The following PDPN variants were observed in gnomAD, a reference collection of about 807,000 sequenced individuals.
PDPN encodes PA2.26 antigen.
A neutral mutation model predicts 23.2 loss-of-function variants in PDPN; 12 were observed. That is an observed-to-expected ratio of 0.52 (90% CI 0.33 to 0.84). The LOEUF is 0.84. PDPN is among the 40% of genes least tolerant of loss of function. The pLI is 0.02. For synonymous variants in PDPN, 77 were observed against 76.7 expected (o/e 1.00, Z -0.02); for missense variants, 199 against 212.2 (o/e 0.94, Z 0.39).
chr1:13,594,752 C>T (rs567161664), intron 1 of PDPN, among the ~76,000 whole-genome samples: 5 of 151,710 alleles, frequency 3.3e-5, no homozygotes, highest in East Asian at 1.9e-4. Flanking sequence ...TTTGGGAGGC[C>T]GAGGTGGGCG....
intron 1 of PDPN, among the ~76,000 whole-genome samples, chr1:13,584,618 C>G (rs975394498): frequency 2.0e-5 from 3 of 152,238 alleles, no homozygotes; most frequent in Non-Finnish European, 2.9e-5. Flanking sequence ...GTTGGACACA[C>G]TCAGCACCCC....
intron 3 of PDPN, among the ~76,000 whole-genome samples, chr1:13,612,517 C>A (rs538196794): frequency 4.2e-4 from 64 of 152,264 alleles, no homozygotes; most frequent in African/African-American, 1.5e-3. Flanking sequence ...TGACTTCTAT[C>A]AGTGACATTT....
rs1641011797 is a variant in PDPN, at chr1:13,614,324, T to C, written c.395T>C (p.Val132Ala). The C allele has an allele frequency of 6.2e-7, 1 of 1,601,668 alleles. No homozygotes were observed. Among genetic ancestry groups the C allele is most frequent in the African/African-American group, 1.3e-5 (1 of 74,654 alleles). The change falls in exon 5 of 6, where the codon GTT becomes GCT. Residue 132 changes from valine to alanine, a missense_variant. Physicochemically the swap from Val to Ala is moderately conservative, Grantham distance 64. Transcript: ENST00000621990. ...GATGGTTTGTCAACAGTGACCCTGG[T>C]TGGAATCATAGTTGGGGTCTTACTA... Reference protein sequence around the residue: ...EKDGLSTVTLVGIIVGVLLAI... With the variant: ...EKDGLSTVTLAGIIVGVLLAI...
At position 13,603,536 on chromosome 1, in the gene PDPN, G is replaced by C. The variant is rs567382028; in HGVS notation, c.68-3637G>C. Among the ~76,000 whole-genome samples, 7 of 151,494 alleles carry C rather than the reference G, an allele frequency of 4.6e-5. No homozygotes were observed. In the East Asian group the frequency reaches 7.7e-4, roughly 17 times the overall value. On this transcript the variant is annotated intron_variant, in intron 1 of 5. Coordinates refer to ENST00000621990, the MANE Select transcript of PDPN (RefSeq NM_006474.5). ...TGTTCTCAAAAATTAAGAACCCCAA[G>C]TGACAGTTGATTTATCAAATCATCT...
chr1:13,603,257 C>T (rs1309892967), intron 1 of PDPN, among the ~76,000 whole-genome samples: 1 of 152,072 alleles, frequency 6.6e-6, no homozygotes, highest in East Asian at 1.9e-4. Flanking sequence ...GTGGTGCACA[C>T]CTGTAATCCC....
chr1:13,609,956 C>G (rs950439347), intron 2 of PDPN, among the ~76,000 whole-genome samples: 4 of 151,908 alleles, frequency 2.6e-5, no homozygotes, highest in Non-Finnish European at 5.9e-5. Flanking sequence ...CCCAGCTACT[C>G]GGGAGGCTGA....
intron 1 of PDPN, among the ~76,000 whole-genome samples, chr1:13,588,412 A>G (rs985185662): frequency 6.6e-6 from 1 of 151,916 alleles, no homozygotes; most frequent in African/African-American, 2.4e-5. Flanking sequence ...CATCCGGGAG[A>G]ACAGAACACA....
intron 1 of PDPN, chr1:13,595,687 G>A (rs1249702257): frequency 1.4e-5 from 6 of 430,138 alleles, no homozygotes; most frequent in Non-Finnish European, 2.8e-5. Context: ...CTCGTCATTG[G>A]TCTCATCCCA....
At chr1:13,603,976 C>T (rs933024974) in intron 1 of PDPN, among the ~76,000 whole-genome samples, 1 of 152,140 alleles carries the variant, frequency 6.6e-6, no homozygotes, top group African/African-American at 2.4e-5. Context: ...TCCACTGAGC[C>T]GTGTTTGGCT....
intron 5 of PDPN, 123 bp downstream of exon 5, chr1:13,614,534 C>T (rs995538928): frequency 1.1e-5 from 7 of 661,866 alleles, no homozygotes; most frequent in Non-Finnish European, 1.9e-5. Context: ...CCTGTAGTCT[C>T]AGCTGCTGGG....
intron 1 of PDPN, chr1:13,584,344 G>A (rs2100583172): frequency 6.8e-7 from 1 of 1,474,700 alleles, no homozygotes; most frequent in East Asian, 2.5e-5. Context: ...GCTGCGAGGT[G>A]GGCAGCACAG....
chr1:13,590,950 CT>C (rs369914558), intron 1 of PDPN, among the ~76,000 whole-genome samples: 2 of 150,794 alleles, frequency 1.3e-5, no homozygotes, highest in African/African-American at 4.9e-5. Flanking sequence ...AATTTCTTTT[CT>C]TTTTTTTTCA....
At chr1:13,588,120 C>G (rs760372461) in intron 1 of PDPN, among the ~76,000 whole-genome samples, 216 of 136,296 alleles carry the variant, frequency 1.6e-3, no homozygotes, top group Non-Finnish European at 2.5e-3. Context: ...TTCATGAACC[C>G]GCCCCCCCAA....
intron 1 of PDPN, among the ~76,000 whole-genome samples, chr1:13,588,615 TATA>T (rs1640246267): frequency 6.8e-6 from 1 of 147,434 alleles, no homozygotes; most frequent in African/African-American, 2.5e-5. Flanking sequence ...TATTTACATA[TATA>T]ATATATAATA....
At chr1:13,595,958 G>A in intron 1 of PDPN, 1 of 1,021,228 alleles carries the variant, frequency 9.8e-7, no homozygotes, top group Non-Finnish European at 1.3e-6. Flanking sequence ...AGGACTTTGG[G>A]AGGCTGAGGC....
chr1:13,598,834 A>G (rs184051201), intron 1 of PDPN, among the ~76,000 whole-genome samples: 3 of 152,256 alleles, frequency 2.0e-5, no homozygotes, highest in Non-Finnish European at 2.9e-5. Flanking sequence ...GGTATGTGCC[A>G]GGGATTTCAG....
At chr1:13,605,864 G>A (rs578009898) in intron 1 of PDPN, among the ~76,000 whole-genome samples, 5 of 151,876 alleles carry the variant, frequency 3.3e-5, no homozygotes, top group Admixed American at 1.3e-4. Flanking sequence ...CTTCTGATCC[G>A]CCCGCCTTGG....
At chr1:13,615,386 A>T (rs941414918) in intron 5 of PDPN, among the ~76,000 whole-genome samples, 1 of 151,736 alleles carries the variant, frequency 6.6e-6, no homozygotes, top group African/African-American at 2.4e-5. Flanking sequence ...CCCAGGTTCA[A>T]GCGATTCCCC....
rs34384359 is a variant in PDPN at position 13,610,479 on chromosome 1, C to A, written c.294C>A (p.Ser98Arg). The change falls in exon 3 of 6, where the codon AGC becomes AGA. Residue 98 changes from serine (S) to arginine (R), a missense_variant. Ser to Arg is a moderately radical substitution (Grantham distance 110). Transcript: ENST00000621990. ...TCCACGCGCAAGAACAAAGTCCAAG[C>A]GCCACAGCCTCAAACGTGGCCACCA... The part of the protein sequence containing the change: ...STVHAQEQSP[S>R]ATASNVATSH... 74 of 1,613,810 alleles carry A rather than the reference C, an allele frequency of 4.6e-5. No individual in the cohort carries two copies. Among genetic ancestry groups the A allele is most frequent in the Non-Finnish European group, 6.0e-5 (71 of 1,179,902 alleles).
Sources: gnomAD v4.1 joint callset for allele counts (sites outside exome capture counted in the v4.1 genomes callset) on GRCh38, gnomAD v4.1.1 for gene constraint, MANE v1.5 for transcripts, NCBI Gene and HGNC (gene_info 2026-07-23, HGNC 2026-07-21) for gene names.